The following RBM48 variants were observed in gnomAD, a reference collection of about 807,000 sequenced individuals.
The protein encoded by RBM48 is RNA binding motif protein 48, also known as RNA-binding protein 48.
A neutral mutation model predicts 34.8 loss-of-function variants in RBM48; 32 were observed. The ratio of observed to expected loss-of-function variants is 0.92; its 90% CI spans 0.69 to 1.23. RBM48 has a LOEUF of 1.23. RBM48 is among the 50% of genes most tolerant of loss of function. The pLI is 0.00. For synonymous variants in RBM48, 151 were observed against 156.2 expected, an observed-to-expected ratio of 0.97 and a Z score of 0.25; for missense variants, 441 against 447.2, an observed-to-expected ratio of 0.99 and a Z score of 0.12.
chr7:92,533,023 A>C (rs772490108), intron 3 of RBM48, among the ~76,000 whole-genome samples: 1 of 152,262 alleles, frequency 6.6e-6, no homozygotes, highest in African/African-American at 2.4e-5. Context: ...AGTGAGAAGC[A>C]GTTATGATTT....
At chr7:92,534,112 G>A (rs1228720138) in intron 3 of RBM48, 4 of 322,146 alleles carry the variant, frequency 1.2e-5, no homozygotes, top group Non-Finnish European at 2.3e-5. Context: ...GAAGGAGGTG[G>A]CAAAGTGAGA....
At position 92,536,848 on chromosome 7, in the gene RBM48, TAGGTAA is replaced by T. The variant is rs1277392351; in HGVS notation, c.1018-2_1021del. Reference sequence around the variant, plus strand: ...TTAATGGTTCTTTTTTTTTTTTAATTAGGTAATTTCATCTGTGCCAAAGCCTCCAGA... The same window carrying T: ...TTAATGGTTCTTTTTTTTTTTTAATTTTTCATCTGTGCCAAAGCCTCCAGA... On this transcript the variant is annotated splice_acceptor_variant and coding_sequence_variant, in exon 5 of 5. Coordinates refer to ENST00000265732, the MANE Select transcript of RBM48 (RefSeq NM_032120.4). LOFTEE classifies it high-confidence loss of function. 6.4e-7 allele frequency: 1 copy of T among 1,574,092 alleles called. No homozygotes were observed. Among genetic ancestry groups the T allele is most frequent in the Non-Finnish European group, 8.6e-7 (1 of 1,166,798 alleles).
chr7:92,536,264 CA>C (rs1793709214), intron 4 of RBM48: 1 of 982,224 alleles, frequency 1.0e-6, no homozygotes. Flanking sequence ...GTGTGAAGTC[CA>C]AATTCTAGGT....
At position 92,536,995 on chromosome 7, in the gene RBM48, T is replaced by C; in HGVS notation, c.*58T>C. On this transcript the variant is annotated 3_prime_UTR_variant, in exon 5 of 5. Coordinates refer to ENST00000265732, the MANE Select transcript of RBM48 (RefSeq NM_032120.4). ...GAACATTTATTATTTATTTTTAGCCTGTCATTTTAATTCTTCAAGAGATTT... is the reference window on the plus strand; with the variant it reads ...GAACATTTATTATTTATTTTTAGCCCGTCATTTTAATTCTTCAAGAGATTT... 2 of 1,280,750 alleles carry C rather than the reference T, an allele frequency of 1.6e-6. No homozygotes were observed. Among genetic ancestry groups the C allele is most frequent in the Non-Finnish European group, 2.1e-6 (2 of 930,964 alleles). 79.3% of individuals were successfully genotyped at this position (1,280,750 alleles called of 1,614,324 possible). A position where few individuals can be genotyped will look rare whatever the true frequency, so the allele number is the denominator to read the frequency against.
intron 2 of RBM48, among the ~76,000 whole-genome samples, chr7:92,532,164 A>G (rs1485808594): frequency 6.6e-6 from 1 of 152,160 alleles, no homozygotes; most frequent in Admixed American, 6.6e-5. Flanking sequence ...TTAGTTGTTT[A>G]AAGACTAGGG....
chr7:92,538,837 A>T lies in RBM48; in HGVS notation c.*1900A>T, dbSNP rs1184729370. ...GTTCTAGAGATCTGTTGCATGACAA[A>T]CGTTACCTGACAGTTAAGGAGAGGA... On this transcript the variant is annotated 3_prime_UTR_variant, in exon 5 of 5. Coordinates refer to ENST00000265732, the MANE Select transcript of RBM48 (RefSeq NM_032120.4). Among the ~76,000 whole-genome samples, 2 of 152,192 alleles carry T rather than the reference A, an allele frequency of 1.3e-5. No homozygotes were observed. Among genetic ancestry groups the T allele is most frequent in the African/African-American group, 4.8e-5 (2 of 41,486 alleles).
chr7:92,540,151 CCTTGA>C lies in RBM48; in HGVS notation c.*3218_*3222del, dbSNP rs1454115494. 1 of 152,194 alleles carries C rather than the reference CCTTGA, an allele frequency of 6.6e-6. No individual in the cohort carries two copies. Among genetic ancestry groups the C allele is most frequent in the Non-Finnish European group, 1.5e-5 (1 of 68,030 alleles). 9.4% of individuals were successfully genotyped at this position (152,194 alleles called of 1,614,324 possible). ...GATGGGGCTGAACTCTCAATGATTG[CCTTGA>C]CTTCAGCAGTGGGCTGCAGCCCAAC... On this transcript the variant is annotated 3_prime_UTR_variant, in exon 5 of 5. Coordinates refer to ENST00000265732, the MANE Select transcript of RBM48 (RefSeq NM_032120.4).
At chr7:92,536,143 T>G (rs1793706545) in intron 4 of RBM48, 4 of 985,410 alleles carry the variant, frequency 4.1e-6, no homozygotes. Context: ...AAAAAAGGTT[T>G]TCAGTTTGTG....
At position 92,537,979 on chromosome 7, in the gene RBM48, C is replaced by CTGAT. The variant is rs1317984036; in HGVS notation, c.*1043_*1046dup. 2.0e-5 allele frequency: 3 copies of CTGAT among 152,174 alleles called. No individual in the cohort carries two copies. The highest frequency in any genetic ancestry group is 4.4e-5 in the Non-Finnish European group (3 of 68,042). The allele number at this position is 152,174 out of a possible 1,614,324, so 9.4% of individuals were successfully genotyped here. The stretch of plus-strand genomic sequence containing the variant: ...CCACTGTGCCTGGCCATTTTCTTTA[C>CTGAT]TGATAAAAATAACTTGAGAAGGTCC... On this transcript the variant is annotated 3_prime_UTR_variant, in exon 5 of 5. Transcript: ENST00000265732.
At chr7:92,532,637 G>C (rs1793605014) in intron 3 of RBM48, 88 bp downstream of exon 3, 2 of 919,266 alleles carry the variant, frequency 2.2e-6, no homozygotes, top group Non-Finnish European at 3.3e-6. Flanking sequence ...AGTGGTAGGA[G>C]AGGCAAGTAA....
In RBM48 at chr7:92,529,465, A is replaced by G. The variant is rs1793484061; in HGVS notation, c.112-11A>G. On this transcript the variant is annotated splice_polypyrimidine_tract_variant and intron_variant, in intron 1 of 4. Coordinates refer to ENST00000265732, the MANE Select transcript of RBM48 (RefSeq NM_032120.4). ...TGCGAAATACGTTTAATAACTCTGC[A>G]TTTCTTTCAGGTATATACAATCAAT... The G allele has an allele frequency of 2.0e-6, 3 of 1,533,992 alleles. No homozygotes were observed. In the South Asian group the frequency reaches 3.5e-5, roughly 18 times the overall value.
chr7:92,535,279 C>T lies in RBM48; in HGVS notation c.1017+309C>T, dbSNP rs957968009. ...CCAGGCCTGCCATTTTTGTTAAAAG[C>T]TCCCCAGGTAGTTCTAATATGAGCC... On this transcript the variant is annotated intron_variant, in intron 4 of 4. Transcript: ENST00000265732. The T allele has an allele frequency of 4.4e-5, 55 of 1,261,828 alleles. No homozygotes were observed. The African/African-American group carries it at 7.3e-4, about 17-fold the overall frequency. 78.2% of individuals were successfully genotyped at this position (1,261,828 alleles called of 1,614,324 possible).
chr7:92,532,703 A>G (rs998669939), intron 3 of RBM48, among the ~76,000 whole-genome samples, 154 bp downstream of exon 3: 2 of 152,230 alleles, frequency 1.3e-5, no homozygotes, highest in Non-Finnish European at 2.9e-5. Context: ...CACACTACAT[A>G]ATCTGGGTTG....
At position 92,540,390 on chromosome 7, in the gene RBM48, G is replaced by A. The variant is rs1343365328; in HGVS notation, c.*3453G>A. 1.3e-5 allele frequency: 2 copies of A among 152,204 alleles called. No individual in the cohort carries two copies. Among genetic ancestry groups the A allele is most frequent in the Non-Finnish European group, 2.9e-5 (2 of 68,044 alleles). The allele number at this position is 152,204 out of a possible 1,614,324, so 9.4% of individuals were successfully genotyped here. ...CATAATCTTAGGAAGATGTTTCTTG[G>A]TAAATACTAGTTTTAAATTTTGCAT... On this transcript the variant is annotated 3_prime_UTR_variant, in exon 5 of 5. Coordinates refer to ENST00000265732, the MANE Select transcript of RBM48 (RefSeq NM_032120.4).
At position 92,534,855 on chromosome 7, in the gene RBM48, A is replaced by G. The variant is rs557202870; in HGVS notation, c.902A>G (p.Asn301Ser). 32 of 1,614,168 alleles carry G rather than the reference A, an allele frequency of 2.0e-5. 2 individuals are homozygous for G. The South Asian group carries it at 3.3e-4, about 17-fold the overall frequency. ...DRKLGTFLQT[N>S]PTGNEIMIGP... Reference sequence around the variant, plus strand: ...AAACTTGGAACTTTTCTTCAAACAAACCCAACTGGTAATGAGATTATGATT... The same window carrying G: ...AAACTTGGAACTTTTCTTCAAACAAGCCCAACTGGTAATGAGATTATGATT... The change falls in exon 4 of 5, where the codon AAC (asparagine) becomes AGC (serine). Residue 301 changes from asparagine (N) to serine (S), a missense_variant. Physicochemically the swap from Asn to Ser is conservative, Grantham distance 46. Transcript: ENST00000265732.
At position 92,534,625 on chromosome 7, in the gene RBM48, CTCT is replaced by C; in HGVS notation, c.673_675del (p.Ser225del). 1 of 1,614,164 alleles carries C rather than the reference CTCT, an allele frequency of 6.2e-7. No homozygotes were observed. The highest frequency in any genetic ancestry group is 1.1e-5 in the South Asian group (1 of 91,086). ...GACCTGTAGACAGAGCACCAGACTC[CTCT>C]AAGGATGGTAGAAACCATCATAAAA... On this transcript the variant is annotated inframe_deletion, in exon 4 of 5. Coordinates refer to ENST00000265732, the MANE Select transcript of RBM48 (RefSeq NM_032120.4).
chr7:92,532,506 A>T lies in RBM48; in HGVS notation c.405A>T (p.Leu135=). The T allele has an allele frequency of 6.2e-7, 1 of 1,613,364 alleles. No individual in the cohort carries two copies. The highest frequency in any genetic ancestry group is 1.7e-4 in the Middle Eastern group (1 of 5,936). Residue 135 remains leucine, a synonymous_variant, in exon 3 of 5, where the codon CTA becomes CTT. Coordinates refer to ENST00000265732, the MANE Select transcript of RBM48 (RefSeq NM_032120.4). ...FETVEETRKK[L]QMRKAYVVKT... is the part of the protein sequence containing the mutation. ...CAGTTGAAGAAACTAGAAAAAAACTACAAATGCGGAAGGCATATGTAGTAA... is the reference window on the plus strand; with the variant it reads ...CAGTTGAAGAAACTAGAAAAAAACTTCAAATGCGGAAGGCATATGTAGTAA...
intron 2 of RBM48, among the ~76,000 whole-genome samples, chr7:92,530,885 G>C (rs768800474): frequency 4.6e-5 from 7 of 151,996 alleles, no homozygotes; most frequent in Non-Finnish European, 1.0e-4. Context: ...TTCGAGACCA[G>C]ACTGGCCAAC....
Position 92,529,026 on chromosome 7 carries a change from C to G in RBM48, c.111+102C>G, listed in dbSNP as rs41278794. On this transcript the variant is annotated intron_variant, in intron 1 of 4. Transcript: ENST00000265732. ...AATAAAGGCACGACAAGGCTTCCGT[C>G]AGATCTGTCTCTCGTTAGAGCTGGC... The G allele has an allele frequency of 0.046, 39,606 of 852,214 alleles. 2,797 individuals carry two copies. The highest frequency in any genetic ancestry group is 0.3 in the East Asian group (11,265 of 37,560). The allele number at this position is 852,214 out of a possible 1,614,324, so 52.8% of individuals were successfully genotyped here.
Sources: allele counts gnomAD v4.1 joint callset (sites outside exome capture counted in the v4.1 genomes callset), GRCh38; gene constraint gnomAD v4.1.1; transcripts MANE v1.5; gene names NCBI Gene and HGNC (gene_info 2026-07-23, HGNC 2026-07-21).